WDFY4: variants seen among roughly 807,000 people sequenced by gnomAD.
The protein encoded by WDFY4 is WDFY family member 4, also known as WD repeat- and FYVE domain-containing protein 4.
WDFY4 carries 169 observed loss-of-function variants against 351.9 expected under a neutral mutation model. The observed-to-expected ratio is 0.48, with a 90% CI of 0.42 to 0.55. The LOEUF is 0.55. Among genes scored for constraint, WDFY4 ranks in the 20% least tolerant of loss-of-function variants. WDFY4 has a pLI of 0.00. For synonymous variants in WDFY4, 1,622 were observed against 1,574.6 expected, an observed-to-expected ratio of 1.03 and a Z score of -0.71; for missense variants, 3,803 against 3,935.6, an observed-to-expected ratio of 0.97 and a Z score of 0.90.
chr10:48,804,873 AC>A, intron 25 of WDFY4: 2 of 775,670 alleles, frequency 2.6e-6, no homozygotes, highest in African/African-American at 1.9e-5. Context: ...AGATCACACA[AC>A]CAGACAAGCT....
At chr10:48,763,484 T>C (rs953255392) in intron 13 of WDFY4, among the ~76,000 whole-genome samples, 40 of 152,248 alleles carry the variant, frequency 2.6e-4, no homozygotes, top group African/African-American at 8.2e-4. Context: ...GCCAGTGGTC[T>C]GGGTGGTCTT....
rs114822004 is a variant in WDFY4 at position 48,980,392 on chromosome 10, C to T, written c.9377-975C>T. On this transcript the variant is annotated intron_variant, in intron 60 of 61. Coordinates refer to ENST00000325239, the MANE Select transcript of WDFY4 (RefSeq NM_001394531.1). ...CCTCTTGGCGTGTATATTACTATACCCCTCAAATGTCTTAAGGGGCAAGAA... is the reference window on the plus strand; with the variant it reads ...CCTCTTGGCGTGTATATTACTATACTCCTCAAATGTCTTAAGGGGCAAGAA... Among the ~76,000 whole-genome samples the T allele has an allele frequency of 4.1e-3, 622 of 152,198 alleles. 6 individuals are homozygous for T. The highest frequency in any genetic ancestry group is 0.015 in the African/African-American group (605 of 41,530).
rs1421954365 is a variant in WDFY4, at chr10:48,828,887, T to A, written c.6331T>A (p.Leu2111Met). Reference sequence around the variant, plus strand: ...AGAAAAAAGAGAAGACTTACCAAGTTTGAGTGATGGTACATTTTATTTGTC... The same window carrying A: ...AGAAAAAAGAGAAGACTTACCAAGTATGAGTGATGGTACATTTTATTTGTC... ...VKEKREDLPS[L>M]SDVQHNIQKT... The change falls in exon 37 of 62, where the codon TTG becomes ATG. Residue 2111 changes from leucine to methionine, a missense_variant. Transcript: ENST00000325239. 1 of 1,282,802 alleles carries A rather than the reference T, an allele frequency of 7.8e-7. No individual in the cohort carries two copies. The highest frequency in any genetic ancestry group is 1.0e-6 in the Non-Finnish European group (1 of 986,880). 79.5% of individuals were successfully genotyped at this position (1,282,802 alleles called of 1,614,324 possible). A position where few individuals can be genotyped will look rare whatever the true frequency, so the allele number is the denominator to read the frequency against.
chr10:48,887,827 T>C (rs2070530276), intron 43 of WDFY4, among the ~76,000 whole-genome samples: 2 of 150,992 alleles, frequency 1.3e-5, no homozygotes, highest in South Asian at 2.1e-4. Flanking sequence ...GTATTCAAAA[T>C]GACTTATCTG....
chr10:48,758,536 G>A (rs1265249052), intron 12 of WDFY4, among the ~76,000 whole-genome samples: 1 of 152,114 alleles, frequency 6.6e-6, no homozygotes, highest in African/African-American at 2.4e-5. Flanking sequence ...TCTCCTTGGA[G>A]GATTCTAATG....
rs35910792 is a variant in WDFY4, at chr10:48,695,458, C to T, written c.-18+10457C>T. Among the ~76,000 whole-genome samples, 141 of 152,328 alleles carry T rather than the reference C, an allele frequency of 9.3e-4. 1 individual carries two copies. Among genetic ancestry groups the T allele is most frequent in the Admixed American group, 1.8e-3 (28 of 15,308 alleles). On this transcript the variant is annotated intron_variant, in intron 1 of 61. Coordinates refer to ENST00000325239, the MANE Select transcript of WDFY4 (RefSeq NM_001394531.1). ...GCTGGAAGAGGGAACCTGGGTTTGA[C>T]CTTGATTCTGATGCTTGTCAGCTGT...
intron 11 of WDFY4, 87 bp from the exon 12 acceptor site, chr10:48,742,881 A>T: frequency 8.1e-7 from 1 of 1,240,470 alleles, no homozygotes; most frequent in Non-Finnish European, 1.1e-6. Context: ...GGGAAGAGCT[A>T]GTGGGACGCT....
Position 48,877,047 on chromosome 10 carries a change from AG to A in WDFY4, c.7018del (p.Glu2340ArgfsTer16). 1 of 1,496,642 alleles carries A rather than the reference AG, an allele frequency of 6.7e-7. No individual in the cohort carries two copies. The highest frequency in any genetic ancestry group is 8.9e-7 in the Non-Finnish European group (1 of 1,120,726). 92.7% of individuals were successfully genotyped at this position (1,496,642 alleles called of 1,614,324 possible). On this transcript the variant is annotated frameshift_variant, in exon 43 of 62. Coordinates refer to ENST00000325239, the MANE Select transcript of WDFY4 (RefSeq NM_001394531.1). LOFTEE classifies it high-confidence loss of function. ...NAENQDELTL[R>X]EAEGEPDEVG... The stretch of plus-strand genomic sequence containing the variant: ...TGCTGCTGCAGATGAACTGACACTG[AG>A]GGAGGCTGAGGGCGAGCCGGACGAG...
intron 13 of WDFY4, among the ~76,000 whole-genome samples, chr10:48,771,505 T>C (rs1212262306): frequency 6.6e-6 from 1 of 152,172 alleles, no homozygotes; most frequent in African/African-American, 2.4e-5. Flanking sequence ...TCAAAATGCT[T>C]AGAAAAGGGC....
At chr10:48,943,679 G>A (rs1303288044) in intron 49 of WDFY4, among the ~76,000 whole-genome samples, 2 of 151,874 alleles carry the variant, frequency 1.3e-5, no homozygotes, top group African/African-American at 4.8e-5. Context: ...CGCAACTTCC[G>A]CCTCCTGGGT....
intron 13 of WDFY4, among the ~76,000 whole-genome samples, chr10:48,772,459 G>A (rs1010163363): frequency 2.0e-5 from 3 of 151,604 alleles, no homozygotes; most frequent in African/African-American, 7.3e-5. Context: ...TGTGTATTTG[G>A]GTGGGTAGGG....
chr10:48,880,399 G>A (rs1284898112), intron 43 of WDFY4, among the ~76,000 whole-genome samples: 1 of 152,226 alleles, frequency 6.6e-6, no homozygotes, highest in Admixed American at 6.5e-5. Context: ...TCTGAAGCAG[G>A]ACAGAACCAG....
intron 8 of WDFY4, among the ~76,000 whole-genome samples, chr10:48,729,984 T>C (rs2064403619): frequency 6.6e-6 from 1 of 152,240 alleles, no homozygotes; most frequent in Non-Finnish European, 1.5e-5. Context: ...TGGCAGGCAC[T>C]CTGCCCCATG....
chr10:48,741,668 A>G (rs544232465), intron 11 of WDFY4, among the ~76,000 whole-genome samples: 53 of 152,236 alleles, frequency 3.5e-4, no homozygotes, highest in Admixed American at 1.2e-3. Flanking sequence ...CATTTAAGTC[A>G]CAGCATCACC....
intron 12 of WDFY4, among the ~76,000 whole-genome samples, chr10:48,751,861 T>C (rs2065194277): frequency 6.6e-6 from 1 of 152,180 alleles, no homozygotes; most frequent in African/African-American, 2.4e-5. Context: ...CAGGATTTTA[T>C]AGCCAAGCTC....
chr10:48,923,388 G>A (rs181606520), intron 47 of WDFY4, among the ~76,000 whole-genome samples: 2 of 151,766 alleles, frequency 1.3e-5, no homozygotes, highest in Admixed American at 1.3e-4. Flanking sequence ...GCACTCATCT[G>A]ATGTTTATCA....
At chr10:48,697,256 C>G (rs190083703) in intron 1 of WDFY4, among the ~76,000 whole-genome samples, 5 of 152,362 alleles carry the variant, frequency 3.3e-5, no homozygotes, top group Non-Finnish European at 4.4e-5. Flanking sequence ...AGAGACCTAG[C>G]AGGGGCTCCC....
chr10:48,754,077 T>C (rs942498828), intron 12 of WDFY4, among the ~76,000 whole-genome samples: 2 of 152,192 alleles, frequency 1.3e-5, no homozygotes, highest in Admixed American at 6.5e-5. Context: ...ATTGGTTTTG[T>C]TATGTTGAAC....
chr10:48,885,741 T>C (rs559778818), intron 43 of WDFY4, among the ~76,000 whole-genome samples: 2 of 152,078 alleles, frequency 1.3e-5, no homozygotes, highest in African/African-American at 4.8e-5. Context: ...TCTCTATATA[T>C]ATAGATAGAT....
Sources: allele counts gnomAD v4.1 joint callset (sites outside exome capture counted in the v4.1 genomes callset), GRCh38; gene constraint gnomAD v4.1.1; transcripts MANE v1.5; gene names NCBI Gene and HGNC (gene_info 2026-07-23, HGNC 2026-07-21).